The following SLC35F4 variants were observed in gnomAD, a reference collection of about 807,000 sequenced individuals.
SLC35F4 encodes the protein solute carrier family 35 member F4.
In SLC35F4, 24 loss-of-function variants were observed where a neutral mutation model predicts 44.2. The observed-to-expected ratio is 0.54, with a 90% CI of 0.39 to 0.76. SLC35F4 has a LOEUF of 0.76. Among genes scored for constraint, SLC35F4 ranks in the 30% least tolerant of loss-of-function variants. The pLI is 0.00. For synonymous variants in SLC35F4, 238 were observed against 223.6 expected (o/e 1.06, Z -0.57); for missense variants, 562 against 586.1 (o/e 0.96, Z 0.42).
At chr14:57,823,070 A>G (rs1324782862) in intron 1 of SLC35F4, among the ~76,000 whole-genome samples, 1 of 152,126 alleles carries the variant, frequency 6.6e-6, no homozygotes. Flanking sequence ...GAATCAGATC[A>G]TGACACTCCA....
At chr14:57,825,517 A>G (rs1233594506) in intron 1 of SLC35F4, among the ~76,000 whole-genome samples, 2 of 152,134 alleles carry the variant, frequency 1.3e-5, no homozygotes, top group East Asian at 3.9e-4. Context: ...GAGCTGATCA[A>G]TTCACCAAAC....
At chr14:57,706,431 A>G (rs947210102) in intron 1 of SLC35F4, among the ~76,000 whole-genome samples, 2 of 152,182 alleles carry the variant, frequency 1.3e-5, no homozygotes, top group African/African-American at 4.8e-5. Flanking sequence ...GAAGGTGGCC[A>G]TGTTGCAGGC....
At chr14:57,913,566 G>A (rs576497033) in intron 1 of SLC35F4, among the ~76,000 whole-genome samples, 10 of 151,972 alleles carry the variant, frequency 6.6e-5, no homozygotes, top group South Asian at 2.1e-4. Flanking sequence ...GTAATCTATC[G>A]CAGCATAATA....
chr14:57,616,225 T>A (rs1178988864), intron 1 of SLC35F4, among the ~76,000 whole-genome samples: 1 of 152,222 alleles, frequency 6.6e-6, no homozygotes, highest in Non-Finnish European at 1.5e-5. Flanking sequence ...TTTAATAGTA[T>A]TTTTCTTGAT....
At position 57,866,056 on chromosome 14, in the gene SLC35F4, C is replaced by T. The variant is rs1396431664; in HGVS notation, c.-231G>A. On this transcript the variant is annotated 5_prime_UTR_variant, in exon 1 of 8. Coordinates refer to ENST00000556826, the MANE Select transcript of SLC35F4 (RefSeq NM_001306087.2). ...GCCGGCCTCTCCGTCAGCCTGGCAGCTCTCCCGCGCGCCACCCGGAGCACT... is the reference window on the plus strand; with the variant it reads ...GCCGGCCTCTCCGTCAGCCTGGCAGTTCTCCCGCGCGCCACCCGGAGCACT... 1 of 284,970 alleles carries T rather than the reference C, an allele frequency of 3.5e-6. No homozygotes were observed. Among genetic ancestry groups the T allele is most frequent in the Non-Finnish European group, 6.4e-6 (1 of 157,446 alleles). The allele number at this position is 284,970 out of a possible 1,614,324, so 17.7% of individuals were successfully genotyped here. A position where few individuals can be genotyped will look rare whatever the true frequency, so the allele number is the denominator to read the frequency against.
At chr14:57,783,987 C>A (rs1035429829) in intron 1 of SLC35F4, among the ~76,000 whole-genome samples, 5 of 152,136 alleles carry the variant, frequency 3.3e-5, no homozygotes, top group Non-Finnish European at 7.4e-5. Flanking sequence ...AAGCTCAAAA[C>A]AATAAATTCC....
intron 1 of SLC35F4, among the ~76,000 whole-genome samples, chr14:57,671,264 C>G (rs1035816708): frequency 7.2e-4 from 109 of 152,114 alleles, no homozygotes; most frequent in African/African-American, 2.5e-3. Context: ...GGAGCTGGGG[C>G]AGCTAAGGGA....
In SLC35F4 at chr14:57,764,828, G is replaced by A. The variant is rs151030485; in HGVS notation, c.103+100895C>T. ...AGGCTGCCACTCCAAACAACTGAGC[G>A]TTCTGTACAACAATGTAAAGTTTTG... On this transcript the variant is annotated intron_variant, in intron 1 of 7. Coordinates refer to ENST00000556826, the MANE Select transcript of SLC35F4 (RefSeq NM_001306087.2). 1.0e-3 allele frequency among the ~76,000 whole-genome samples: 153 copies of A among 152,208 alleles called. 3 individuals are homozygous for A. In the East Asian group the frequency reaches 0.024, roughly 24 times the overall value.
chr14:57,836,482 G>C (rs1006088768), intron 1 of SLC35F4, among the ~76,000 whole-genome samples: 1 of 152,020 alleles, frequency 6.6e-6, no homozygotes, highest in Non-Finnish European at 1.5e-5. Flanking sequence ...TAGTAGAAAC[G>C]GGGTTTCACC....
chr14:57,787,905 G>A (rs919645450), intron 1 of SLC35F4, among the ~76,000 whole-genome samples: 9 of 152,232 alleles, frequency 5.9e-5, no homozygotes, highest in East Asian at 3.9e-4. Context: ...GGATGAATGT[G>A]ATGGTACCTC....
chr14:57,719,175 A>G (rs1027771696), intron 1 of SLC35F4, among the ~76,000 whole-genome samples: 3 of 151,986 alleles, frequency 2.0e-5, no homozygotes, highest in African/African-American at 7.3e-5. Flanking sequence ...TGGCTTCTCT[A>G]TTCTGCTTCA....
At chr14:57,720,434 G>T (rs943675036) in intron 1 of SLC35F4, among the ~76,000 whole-genome samples, 1 of 152,146 alleles carries the variant, frequency 6.6e-6, no homozygotes, top group African/African-American at 2.4e-5. Flanking sequence ...ACAATTGTTA[G>T]AATTCAGCAG....
intron 1 of SLC35F4, among the ~76,000 whole-genome samples, chr14:57,943,818 G>A (rs894577134): frequency 1.3e-5 from 2 of 152,158 alleles, no homozygotes; most frequent in Non-Finnish European, 2.9e-5. Context: ...GTCCCTCCTC[G>A]CAGGAAGTCA....
At chr14:57,728,359 A>G (rs2076255501) in intron 1 of SLC35F4, among the ~76,000 whole-genome samples, 1 of 148,964 alleles carries the variant, frequency 6.7e-6, no homozygotes, top group Non-Finnish European at 1.5e-5. Context: ...TCTTTTGATT[A>G]TACTATTTTG....
intron 1 of SLC35F4, among the ~76,000 whole-genome samples, chr14:57,730,968 A>C (rs1229364039): frequency 1.3e-5 from 2 of 152,216 alleles, no homozygotes; most frequent in Non-Finnish European, 2.9e-5. Flanking sequence ...CAGTGGTAGC[A>C]GTTATAGGTA....
intron 1 of SLC35F4, among the ~76,000 whole-genome samples, chr14:57,799,701 G>A (rs2078143817): frequency 6.6e-6 from 1 of 152,224 alleles, no homozygotes; most frequent in African/African-American, 2.4e-5. Context: ...GTCAAAACGA[G>A]GAAGGCTCCC....
At chr14:57,783,183 C>A (rs935193583) in intron 1 of SLC35F4, among the ~76,000 whole-genome samples, 4 of 151,934 alleles carry the variant, frequency 2.6e-5, no homozygotes, top group African/African-American at 9.7e-5. Context: ...AAAAAGTGGT[C>A]ATTATATGAC....
chr14:57,719,036 G>C (rs913043386), intron 1 of SLC35F4, among the ~76,000 whole-genome samples: 2 of 152,198 alleles, frequency 1.3e-5, no homozygotes, highest in Non-Finnish European at 2.9e-5. Flanking sequence ...TAGGGGCCAA[G>C]TTTCATTCTT....
intron 1 of SLC35F4, among the ~76,000 whole-genome samples, chr14:57,921,764 G>A (rs1011083208): frequency 1.3e-5 from 2 of 152,034 alleles, no homozygotes; most frequent in Admixed American, 6.5e-5. Context: ...ACTGGATTAC[G>A]GGCCCACTAC....
Sources: allele counts gnomAD v4.1 joint callset (sites outside exome capture counted in the v4.1 genomes callset), GRCh38; gene constraint gnomAD v4.1.1; transcripts MANE v1.5; gene names NCBI Gene and HGNC (gene_info 2026-07-23, HGNC 2026-07-21).